GAS2: variants seen among roughly 807,000 people sequenced by gnomAD.
GAS2 encodes growth arrest specific 2, also known as growth arrest-specific protein 2.
GAS2 carries 20 observed loss-of-function variants against 37.5 expected under a neutral mutation model. The ratio of observed to expected loss-of-function variants is 0.53; its 90% confidence interval spans 0.37 to 0.77. The LOEUF is 0.77. Ranked by LOEUF, GAS2 falls within the 30% of genes least tolerant of loss-of-function variation. The pLI, the probability that GAS2 is intolerant of heterozygous loss-of-function variation, is 0.00. For missense variants in GAS2, 336 were observed against 373.4 expected, an observed-to-expected ratio of 0.90 and a Z score of 0.82; for synonymous variants, 144 against 132.2, an observed-to-expected ratio of 1.09 and a Z score of -0.61.
intron 1 of GAS2, among the ~76,000 whole-genome samples, chr11:22,652,409 C>G (rs1848789800): frequency 6.6e-6 from 1 of 152,214 alleles, no homozygotes; most frequent in Non-Finnish European, 1.5e-5. Flanking sequence ...GTGGAGCCTA[C>G]AGAGGCAGGC....
upstream of GAS2, among the ~76,000 whole-genome samples, chr11:22,664,537 G>C (rs1240758078): frequency 5.3e-5 from 8 of 152,062 alleles, no homozygotes; most frequent in Non-Finnish European, 5.9e-5. Flanking sequence ...CTTTTTAATG[G>C]TGTTAAGTTT....
At chr11:22,657,093 A>G (rs913356851) in intron 1 of GAS2, among the ~76,000 whole-genome samples, 2 of 152,214 alleles carry the variant, frequency 1.3e-5, no homozygotes, top group African/African-American at 2.4e-5. Flanking sequence ...TGTGAATAAG[A>G]TGAAGAAAGC....
intron 7 of GAS2, among the ~76,000 whole-genome samples, chr11:22,790,292 A>G (rs1856081443): frequency 6.6e-6 from 1 of 152,136 alleles, no homozygotes; most frequent in African/African-American, 2.4e-5. Flanking sequence ...GGCCTCTCCT[A>G]TCCCTCTCGC....
At chr11:22,665,467 G>C (rs917617991), upstream of GAS2, among the ~76,000 whole-genome samples, 1 of 152,204 alleles carries the variant, frequency 6.6e-6, no homozygotes, top group Non-Finnish European at 1.5e-5. Flanking sequence ...TCAGTAATGA[G>C]TTCTGTATGT....
intron 7 of GAS2, among the ~76,000 whole-genome samples, chr11:22,793,968 G>A (rs1440254222): frequency 6.6e-6 from 1 of 152,104 alleles, no homozygotes; most frequent in Non-Finnish European, 1.5e-5. Context: ...CCTGAAGTAT[G>A]GTGGGGGAGG....
intron 1 of GAS2, among the ~76,000 whole-genome samples, chr11:22,644,487 T>C (rs1216481716): frequency 2.0e-5 from 3 of 152,228 alleles, no homozygotes; most frequent in Non-Finnish European, 2.9e-5. Context: ...AATAGAGAGA[T>C]ATTTGAAGTC....
intron 7 of GAS2, among the ~76,000 whole-genome samples, chr11:22,774,146 A>G (rs1024273846): frequency 6.6e-6 from 1 of 152,068 alleles, no homozygotes; most frequent in African/African-American, 2.4e-5. Context: ...GGAGCATGCC[A>G]CCACACCCGG....
intron 7 of GAS2, among the ~76,000 whole-genome samples, chr11:22,768,536 C>G (rs1352777394): frequency 6.6e-6 from 1 of 152,172 alleles, no homozygotes; most frequent in East Asian, 1.9e-4. Context: ...GGCCAGAGTA[C>G]TTGATGATCT....
intron 1 of GAS2, among the ~76,000 whole-genome samples, chr11:22,631,277 A>C (rs1452650892): frequency 6.6e-6 from 1 of 152,206 alleles, no homozygotes; most frequent in Non-Finnish European, 1.5e-5. Context: ...ATCAGCAAAC[A>C]GAGATAGTTT....
intron 7 of GAS2, among the ~76,000 whole-genome samples, chr11:22,764,761 A>G (rs1182574103): frequency 6.6e-6 from 1 of 152,206 alleles, no homozygotes; most frequent in African/African-American, 2.4e-5. Flanking sequence ...AAAACAATAA[A>G]TAAATAGAAG....
chr11:22,736,787 A>C (rs1420612058), intron 4 of GAS2, among the ~76,000 whole-genome samples: 1 of 152,040 alleles, frequency 6.6e-6, no homozygotes, highest in Non-Finnish European at 1.5e-5. Context: ...TTAGAATACT[A>C]TGTGTCAGTG....
At chr11:22,662,173 A>G (rs570426392), upstream of GAS2, among the ~76,000 whole-genome samples, 3 of 152,268 alleles carry the variant, frequency 2.0e-5, no homozygotes, top group East Asian at 3.9e-4. Flanking sequence ...CTTGAGTCCA[A>G]ATGAACCTAG....
chr11:22,693,214 T>A (rs571931613), intron 3 of GAS2, among the ~76,000 whole-genome samples: 2 of 152,198 alleles, frequency 1.3e-5, no homozygotes, highest in Non-Finnish European at 2.9e-5. Flanking sequence ...TAGTAAGAAT[T>A]CTGTTGTTAC....
chr11:22,632,798 C>T (rs868823805), intron 1 of GAS2, among the ~76,000 whole-genome samples: 35 of 150,872 alleles, frequency 2.3e-4, no homozygotes, highest in Admixed American at 7.3e-4. Flanking sequence ...ATTCAAAAAC[C>T]TTGTTTTCAA....
chr11:22,647,132 C>T (rs1848706443), intron 1 of GAS2, among the ~76,000 whole-genome samples: 1 of 139,612 alleles, frequency 7.2e-6, no homozygotes, highest in Non-Finnish European at 1.5e-5. Context: ...TCCATGTGTT[C>T]TCATTGTTCA....
rs527274279 is a variant in GAS2, at chr11:22,777,536, GC to G, written c.723+21584del. On this transcript the variant is annotated intron_variant, in intron 7 of 7. Coordinates refer to ENST00000454584, the MANE Select transcript of GAS2 (RefSeq NM_001143830.3). ...AATATGATATAGATTTATCTGGAAA[GC>G]TTTCAAAGAGAAGGTAGAAATTCAC... 5.8e-3 allele frequency among the ~76,000 whole-genome samples: 881 copies of G among 152,282 alleles called. 13 individuals carry two copies. Among genetic ancestry groups the G allele is most frequent in the African/African-American group, 0.02 (829 of 41,564 alleles).
At chr11:22,685,914 T>A in intron 3 of GAS2, 125 bp downstream of exon 3, 1 of 785,650 alleles carries the variant, frequency 1.3e-6, no homozygotes, top group Non-Finnish European at 1.9e-6. Context: ...AACAACAAAG[T>A]ACAGAGAGTT....
chr11:22,678,859 C>G (rs1218762098), intron 2 of GAS2, among the ~76,000 whole-genome samples: 1 of 151,866 alleles, frequency 6.6e-6, no homozygotes, highest in Non-Finnish European at 1.5e-5. Context: ...ATGTATTATA[C>G]TGTCATTTCC....
At chr11:22,684,058 G>T (rs1462289211) in intron 2 of GAS2, among the ~76,000 whole-genome samples, 1 of 152,150 alleles carries the variant, frequency 6.6e-6, no homozygotes, top group Non-Finnish European at 1.5e-5. Flanking sequence ...GTAGAAGGTA[G>T]GGCATTGAAG....
Sources: gnomAD v4.1 joint callset for allele counts (sites outside exome capture counted in the v4.1 genomes callset) on GRCh38, gnomAD v4.1.1 for gene constraint, MANE v1.5 for transcripts, NCBI Gene and HGNC (gene_info 2026-07-23, HGNC 2026-07-21) for gene names.